The following GABRG3 variants were observed in gnomAD, a reference collection of about 807,000 sequenced individuals.
The protein encoded by GABRG3 is gamma-aminobutyric acid type A receptor subunit gamma3, also known as gamma-aminobutyric acid receptor subunit gamma-3.
In GABRG3, 25 loss-of-function variants were observed where a neutral mutation model predicts 48.8. The observed-to-expected ratio is 0.51, with a 90% confidence interval of 0.37 to 0.72. The LOEUF is 0.72. Among genes scored for constraint, GABRG3 ranks in the 30% least tolerant of loss-of-function variants. The probability of loss-of-function intolerance (pLI) is 0.00; values close to 1 mark genes in which losing one functional copy is unlikely to be tolerated. For missense variants in GABRG3, 394 were observed against 577.9 expected, an observed-to-expected ratio of 0.68 and a Z score of 3.26; for synonymous variants, 227 against 217.6, an observed-to-expected ratio of 1.04 and a Z score of -0.38.
At chr15:27,386,311 T>G (rs1895918778) in intron 5 of GABRG3, among the ~76,000 whole-genome samples, 1 of 152,300 alleles carries the variant, frequency 6.6e-6, no homozygotes, top group African/African-American at 2.4e-5. Context: ...TGGCCTGTGT[T>G]CATCCAGGGA....
At chr15:27,446,802 G>A (rs557970869) in intron 5 of GABRG3, among the ~76,000 whole-genome samples, 90 of 152,140 alleles carry the variant, frequency 5.9e-4, no homozygotes, top group Non-Finnish European at 1.1e-3. Context: ...CTGAATCCAG[G>A]GGAGTCAGTG....
chr15:27,194,625 T>C (rs189659641), intron 3 of GABRG3, among the ~76,000 whole-genome samples: 105 of 152,348 alleles, frequency 6.9e-4, no homozygotes, highest in African/African-American at 2.3e-3. Flanking sequence ...GAGAAGTGTG[T>C]TATCATTTGC....
chr15:27,454,644 A>G (rs1293262584), intron 5 of GABRG3, among the ~76,000 whole-genome samples: 1 of 152,182 alleles, frequency 6.6e-6, no homozygotes, highest in Non-Finnish European at 1.5e-5. Context: ...CCCACACATC[A>G]CATTTTGTTT....
intron 5 of GABRG3, among the ~76,000 whole-genome samples, chr15:27,403,904 C>A (rs144844080): frequency 0.17 from 6,498 of 38,524 alleles, 159 homozygotes; most frequent in Middle Eastern, 0.38. Flanking sequence ...AAGCCAGACT[C>A]AAAAAAAAAC....
intron 6 of GABRG3, among the ~76,000 whole-genome samples, chr15:27,495,971 G>C (rs1009378319): frequency 2.0e-5 from 3 of 152,322 alleles, no homozygotes; most frequent in African/African-American, 7.2e-5. Context: ...CTAGTGAGGA[G>C]GAGAGGGACA....
At chr15:27,164,239 C>T (rs1221953318) in intron 3 of GABRG3, among the ~76,000 whole-genome samples, 2 of 152,114 alleles carry the variant, frequency 1.3e-5, no homozygotes, top group Non-Finnish European at 2.9e-5. Flanking sequence ...ACAAACACAG[C>T]TTCTCTTTTG....
intron 3 of GABRG3, among the ~76,000 whole-genome samples, chr15:27,242,624 C>T (rs1368508745): frequency 6.6e-6 from 1 of 152,190 alleles, no homozygotes; most frequent in Non-Finnish European, 1.5e-5. Context: ...ATTTATCAAA[C>T]CCATGCTCAA....
At chr15:27,096,837 TC>T (rs1897272367) in intron 3 of GABRG3, among the ~76,000 whole-genome samples, 4 of 125,020 alleles carry the variant, frequency 3.2e-5, no homozygotes, top group African/African-American at 1.0e-4. Flanking sequence ...TTTCTTTCTA[TC>T]TTTTTTTTTT....
At chr15:27,255,388 G>A (rs890585681) in intron 3 of GABRG3, among the ~76,000 whole-genome samples, 12 of 152,186 alleles carry the variant, frequency 7.9e-5, no homozygotes, top group African/African-American at 2.9e-4. Flanking sequence ...CTTGCCACGT[G>A]CCAATTCTAT....
At chr15:27,284,518 T>TCA (rs1595637700) in intron 3 of GABRG3, among the ~76,000 whole-genome samples, 1 of 152,164 alleles carries the variant, frequency 6.6e-6, no homozygotes, top group South Asian at 2.1e-4. Flanking sequence ...ACTCTCTCTC[T>TCA]CACACACACT....
intron 5 of GABRG3, among the ~76,000 whole-genome samples, chr15:27,351,985 A>G (rs376838576): frequency 1.4e-5 from 2 of 138,466 alleles, no homozygotes; most frequent in African/African-American, 2.7e-5. Flanking sequence ...ATGTGTGTGT[A>G]TGGTGTGTGT....
intron 3 of GABRG3, among the ~76,000 whole-genome samples, chr15:27,197,765 A>G (rs1047763159): frequency 5.9e-5 from 9 of 151,978 alleles, no homozygotes; most frequent in African/African-American, 2.2e-4. Context: ...GTAGGCTATT[A>G]ATTACTGCCT....
At chr15:27,254,897 A>T (rs993995171) in intron 3 of GABRG3, among the ~76,000 whole-genome samples, 1 of 151,714 alleles carries the variant, frequency 6.6e-6, no homozygotes, top group Non-Finnish European at 1.5e-5. Context: ...ACACAGACAG[A>T]CAGACAGACA....
intron 3 of GABRG3, among the ~76,000 whole-genome samples, chr15:27,253,529 C>G (rs1270409215): frequency 1.3e-5 from 2 of 152,236 alleles, no homozygotes; most frequent in African/African-American, 4.8e-5. Flanking sequence ...TTTCCTGTCC[C>G]TGGGAGTATT....
At chr15:27,058,381 G>T (rs1439222042) in intron 3 of GABRG3, among the ~76,000 whole-genome samples, 1 of 152,126 alleles carries the variant, frequency 6.6e-6, no homozygotes, top group Non-Finnish European at 1.5e-5. Context: ...AAAGATTTTT[G>T]AGTATGCTTT....
chr15:27,099,260 T>C, intron 3 of GABRG3, among the ~76,000 whole-genome samples: 1 of 152,200 alleles, frequency 6.6e-6, no homozygotes, highest in South Asian at 2.1e-4. Context: ...TAGACTGTGC[T>C]AAGTTGTTGC....
intron 3 of GABRG3, among the ~76,000 whole-genome samples, chr15:27,251,915 T>C (rs923451907): frequency 9.2e-5 from 14 of 152,202 alleles, no homozygotes; most frequent in Non-Finnish European, 1.6e-4. Context: ...CACAGTCAGA[T>C]GTGGCTCCTC....
intron 3 of GABRG3, among the ~76,000 whole-genome samples, chr15:27,069,947 C>T (rs1896800558): frequency 6.6e-6 from 1 of 152,226 alleles, no homozygotes; most frequent in Admixed American, 6.5e-5. Flanking sequence ...TGTCTCTGCT[C>T]ATGCTGGTAA....
chr15:27,111,435 C>T (rs915038734), intron 3 of GABRG3, among the ~76,000 whole-genome samples: 9 of 152,104 alleles, frequency 5.9e-5, no homozygotes, highest in Non-Finnish European at 1.2e-4. Context: ...TATTGATGTG[C>T]CTTGTACTTT....
Sources: allele counts gnomAD v4.1 joint callset (sites outside exome capture counted in the v4.1 genomes callset), GRCh38; gene constraint gnomAD v4.1.1; transcripts MANE v1.5; gene names NCBI Gene and HGNC (gene_info 2026-07-23, HGNC 2026-07-21).